The following CSMD3 variants were observed in gnomAD, a reference collection of about 807,000 sequenced individuals.
CSMD3 encodes the protein CUB and Sushi multiple domains 3.
Under a neutral mutation model 435.2 loss-of-function variants are expected in CSMD3, and 177 were observed. The ratio of observed to expected loss-of-function variants is 0.41; its 90% CI spans 0.36 to 0.46. The LOEUF (loss-of-function observed/expected upper bound fraction) is 0.46. Ranked by LOEUF, CSMD3 falls within the 20% of genes least tolerant of loss-of-function variation. The pLI, the probability that CSMD3 is intolerant of heterozygous loss-of-function variation, is 0.34. For missense variants in CSMD3, 4,265 were observed against 4,504.6 expected (o/e 0.95, Z 1.52); for synonymous variants, 1,656 against 1,520.5 (o/e 1.09, Z -2.07).
intron 5 of CSMD3, among the ~76,000 whole-genome samples, chr8:113,039,999 A>G (rs987220334): frequency 8.5e-5 from 13 of 152,208 alleles, no homozygotes; most frequent in African/African-American, 3.1e-4. Flanking sequence ...GAGGGAAAAA[A>G]TAAACATGAA....
intron 69 of CSMD3, among the ~76,000 whole-genome samples, chr8:112,229,731 A>G (rs556430346): frequency 6.6e-6 from 1 of 152,240 alleles, no homozygotes; most frequent in South Asian, 2.1e-4. Flanking sequence ...ACCCAGCCAG[A>G]GTTACTATCC....
chr8:112,263,030 C>T (rs1364325241), intron 61 of CSMD3, among the ~76,000 whole-genome samples: 1 of 151,450 alleles, frequency 6.6e-6, no homozygotes, highest in African/African-American at 2.4e-5. Context: ...AGATAATGTT[C>T]TAGAATCATT....
intron 32 of CSMD3, among the ~76,000 whole-genome samples, chr8:112,463,980 T>C (rs2130698150): frequency 6.6e-6 from 1 of 152,288 alleles, no homozygotes; most frequent in East Asian, 1.9e-4. Context: ...CTCATGCCTG[T>C]AATCCCAGCA....
At position 113,423,690 on chromosome 8, in the gene CSMD3, C is replaced by T. The variant is rs549628826; in HGVS notation, c.178+12987G>A. Among the ~76,000 whole-genome samples the T allele has an allele frequency of 5.3e-5, 8 of 151,842 alleles. No homozygotes were observed. In the East Asian group the frequency reaches 9.7e-4, roughly 18 times the overall value. ...CAAATCAGCATGTAATGCAAATTAC[C>T]TCACATGAATTAGTATAAGATTTAA... On this transcript the variant is annotated intron_variant, in intron 1 of 70. Transcript: ENST00000297405.
chr8:112,986,333 T>C (rs1476541774), intron 6 of CSMD3, among the ~76,000 whole-genome samples: 2 of 152,162 alleles, frequency 1.3e-5, no homozygotes, highest in Non-Finnish European at 2.9e-5. Context: ...ATTTTCTACA[T>C]ACCAAGTAAA....
rs1812307641 is a variant in CSMD3, at chr8:112,223,254, A to C, written c.*1517T>G. The C allele has an allele frequency of 5.2e-6, 2 of 385,316 alleles. No homozygotes were observed. The highest frequency in any genetic ancestry group is 4.1e-5 in the African/African-American group (2 of 48,386). 23.9% of individuals were successfully genotyped at this position (385,316 alleles called of 1,614,324 possible). Reference sequence around the variant, plus strand: ...TGAATTTCCAAAACAATGTATCTCAAAGTGGTTTACAAGAAATTCATTAAA... The same window carrying C: ...TGAATTTCCAAAACAATGTATCTCACAGTGGTTTACAAGAAATTCATTAAA... On this transcript the variant is annotated 3_prime_UTR_variant, in exon 71 of 71. Transcript: ENST00000297405.
At chr8:113,120,862 A>G (rs1346837286) in intron 4 of CSMD3, among the ~76,000 whole-genome samples, 1 of 152,134 alleles carries the variant, frequency 6.6e-6, no homozygotes, top group Non-Finnish European at 1.5e-5. Flanking sequence ...ATTTATCTTA[A>G]ATGATAAATA....
chr8:112,394,249 T>A (rs184935897), intron 35 of CSMD3, among the ~76,000 whole-genome samples: 8 of 152,244 alleles, frequency 5.3e-5, no homozygotes, highest in African/African-American at 1.9e-4. Context: ...CTTAAAAATA[T>A]ATCCCAAAGC....
chr8:112,316,460 C>T (rs528508717), intron 47 of CSMD3, among the ~76,000 whole-genome samples: 1 of 151,614 alleles, frequency 6.6e-6, no homozygotes, highest in South Asian at 2.1e-4. Context: ...AAGTATGTGG[C>T]TACGACATAT....
intron 3 of CSMD3, among the ~76,000 whole-genome samples, chr8:113,193,187 G>A (rs1047681127): frequency 6.6e-6 from 1 of 150,876 alleles, no homozygotes; most frequent in South Asian, 2.1e-4. Flanking sequence ...TCTCGTATTC[G>A]TATTGTGCCT....
intron 37 of CSMD3, 98 bp from the exon 38 acceptor site, chr8:112,380,554 A>G (rs1829379065): frequency 1.4e-6 from 1 of 720,586 alleles, no homozygotes; most frequent in Non-Finnish European, 2.5e-6. Flanking sequence ...TACCACTAAA[A>G]ATATGCATTA....
intron 13 of CSMD3, among the ~76,000 whole-genome samples, chr8:112,709,517 T>G (rs1312125747): frequency 6.6e-6 from 1 of 152,050 alleles, no homozygotes; most frequent in Non-Finnish European, 1.5e-5. Context: ...TAGTTCAATT[T>G]AAATTATATT....
At chr8:113,149,221 C>T (rs559858501) in intron 4 of CSMD3, among the ~76,000 whole-genome samples, 11 of 151,764 alleles carry the variant, frequency 7.2e-5, no homozygotes, top group African/African-American at 2.4e-4. Flanking sequence ...ATCTAGGACA[C>T]GGAAAATGCT....
At chr8:112,510,641 T>C (rs1823021844) in intron 28 of CSMD3, among the ~76,000 whole-genome samples, 1 of 152,164 alleles carries the variant, frequency 6.6e-6, no homozygotes, top group South Asian at 2.1e-4. Flanking sequence ...GTTTTTAATA[T>C]TCCACTCAGG....
chr8:112,629,851 C>G (rs2074464743), intron 22 of CSMD3, among the ~76,000 whole-genome samples: 2 of 152,128 alleles, frequency 1.3e-5, no homozygotes, highest in Admixed American at 1.3e-4. Context: ...GGATCTATGG[C>G]TTTCTCCTCA....
chr8:113,376,705 C>G, intron 1 of CSMD3: 1 of 1,613,240 alleles, frequency 6.2e-7, no homozygotes, highest in East Asian at 2.2e-5. Context: ...CCGAAAGGTT[C>G]GGCGCAAGGA....
rs964444517 is a variant in CSMD3, at chr8:112,982,932, T to C, written c.1031-6784A>G. Among the ~76,000 whole-genome samples, 10 of 152,098 alleles carry C rather than the reference T, an allele frequency of 6.6e-5. No homozygotes were observed. The East Asian group carries it at 1.5e-3, about 24-fold the overall frequency. ...AATGCAAAACACACTTATAACATAC[T>C]TTTGTTTTATATTTCATGTGCTAGA... On this transcript the variant is annotated intron_variant, in intron 6 of 70. Coordinates refer to ENST00000297405, the MANE Select transcript of CSMD3 (RefSeq NM_198123.2).
In CSMD3 at chr8:112,352,550, G is replaced by T. The variant is rs776007477; in HGVS notation, c.6137-16C>A. 2.5e-6 allele frequency: 4 copies of T among 1,595,250 alleles called. No homozygotes were observed. The highest frequency in any genetic ancestry group is 3.4e-6 in the Non-Finnish European group (4 of 1,163,892). On this transcript the variant is annotated splice_polypyrimidine_tract_variant and intron_variant, in intron 38 of 70. Transcript: ENST00000297405. Reference sequence around the variant, plus strand: ...AAACCAATTGCTAAGAATATTTAATGATAACAATTTAAGTAACTTTCAAGT... The same window carrying T: ...AAACCAATTGCTAAGAATATTTAATTATAACAATTTAAGTAACTTTCAAGT...
At chr8:113,168,834 G>C (rs2092213811) in intron 4 of CSMD3, among the ~76,000 whole-genome samples, 1 of 151,734 alleles carries the variant, frequency 6.6e-6, no homozygotes, top group Admixed American at 6.6e-5. Flanking sequence ...TCACATTTCA[G>C]CATTTACTCA....
Sources: allele counts gnomAD v4.1 joint callset (sites outside exome capture counted in the v4.1 genomes callset), GRCh38; gene constraint gnomAD v4.1.1; transcripts MANE v1.5; gene names NCBI Gene and HGNC (gene_info 2026-07-23, HGNC 2026-07-21).